HIVEP3: variants seen among roughly 807,000 people sequenced by gnomAD.
HIVEP3 encodes the protein transcription factor HIVEP3.
In HIVEP3, 49 loss-of-function variants were observed where a neutral mutation model predicts 152.8. That is an observed-to-expected ratio of 0.32 (90% CI 0.26 to 0.41). HIVEP3 has a LOEUF of 0.41. HIVEP3 is among the 10% of genes least tolerant of loss of function. HIVEP3 has a pLI of 1.00. For synonymous variants in HIVEP3, 1,269 were observed against 1,289.0 expected, an observed-to-expected ratio of 0.98 and a Z score of 0.33; for missense variants, 2,790 against 3,103.3, an observed-to-expected ratio of 0.90 and a Z score of 2.40.
intron 1 of HIVEP3, among the ~76,000 whole-genome samples, chr1:41,981,744 A>G (rs1045056526): frequency 6.6e-6 from 1 of 152,230 alleles, no homozygotes; most frequent in African/African-American, 2.4e-5. Context: ...CTTTCGCTGG[A>G]TTCATCATTC....
intron 1 of HIVEP3, among the ~76,000 whole-genome samples, chr1:41,911,324 C>A (rs181593089): frequency 6.6e-6 from 1 of 152,274 alleles, no homozygotes; most frequent in Non-Finnish European, 1.5e-5. Flanking sequence ...TACACATCCA[C>A]AAGATGGGCA....
At chr1:41,864,157 G>A (rs79438203) in intron 1 of HIVEP3, among the ~76,000 whole-genome samples, 2,777 of 152,232 alleles carry the variant, frequency 0.018, 47 homozygotes, top group Non-Finnish European at 0.021. Context: ...GCTCAGGATT[G>A]GGACAGGCCT....
chr1:41,681,540 C>A (rs1198840979), intron 2 of HIVEP3, among the ~76,000 whole-genome samples: 4 of 152,198 alleles, frequency 2.6e-5, no homozygotes, highest in African/African-American at 9.6e-5. Context: ...AGGCCTCCTG[C>A]CTGTGTGATC....
intron 5 of HIVEP3, 147 bp downstream of exon 5, chr1:41,575,397 G>A (rs1644310938): frequency 1.3e-6 from 1 of 761,076 alleles, no homozygotes; most frequent in Non-Finnish European, 2.2e-6. Context: ...TCCCAGGAAG[G>A]TGATGTCTGC....
intron 5 of HIVEP3, among the ~76,000 whole-genome samples, chr1:41,526,545 A>ACC (rs1553220182): frequency 7.6e-5 from 4 of 52,906 alleles, no homozygotes; most frequent in Admixed American, 2.5e-4. Context: ...ACACCCCCAC[A>ACC]CTCACCCTCA....
intron 1 of HIVEP3, among the ~76,000 whole-genome samples, chr1:41,769,478 CT>C (rs34960220): frequency 0.43 from 64,692 of 152,006 alleles, 15,555 homozygotes; most frequent in Non-Finnish European, 0.55. Context: ...AATTAAAAGT[CT>C]TCTAGGAACC....
chr1:41,519,255 AG>A (rs1351054518), intron 6 of HIVEP3, among the ~76,000 whole-genome samples: 1 of 152,220 alleles, frequency 6.6e-6, no homozygotes, highest in Non-Finnish European at 1.5e-5. Context: ...ATGCCTACAA[AG>A]CCCTCAGAGG....
chr1:41,942,463 T>C (rs1341712019), intron 1 of HIVEP3, among the ~76,000 whole-genome samples: 1 of 152,234 alleles, frequency 6.6e-6, no homozygotes, highest in Non-Finnish European at 1.5e-5. Flanking sequence ...TTTGATGACA[T>C]ACCCTACTGG....
chr1:41,818,303 C>T (rs1160916329), intron 1 of HIVEP3, among the ~76,000 whole-genome samples: 1 of 152,030 alleles, frequency 6.6e-6, no homozygotes, highest in Non-Finnish European at 1.5e-5. Context: ...ATTAATAATG[C>T]CTGTGTTGGT....
intron 2 of HIVEP3, among the ~76,000 whole-genome samples, chr1:41,670,100 C>G (rs1645851892): frequency 6.6e-6 from 1 of 152,200 alleles, no homozygotes; most frequent in South Asian, 2.1e-4. Flanking sequence ...GGACTCCTAG[C>G]ACTCAATATG....
chr1:41,698,552 G>T (rs901351285), intron 2 of HIVEP3, among the ~76,000 whole-genome samples: 3 of 152,142 alleles, frequency 2.0e-5, no homozygotes, highest in Non-Finnish European at 4.4e-5. Context: ...AAGTTGATGA[G>T]GGAGCTGTGT....
chr1:41,971,060 A>G (rs987842578), intron 1 of HIVEP3, among the ~76,000 whole-genome samples: 3 of 152,228 alleles, frequency 2.0e-5, no homozygotes, highest in Admixed American at 6.5e-5. Context: ...ATTTCAAAAC[A>G]TTAGTGTTTT....
chr1:41,849,989 G>A (rs959190034), intron 1 of HIVEP3, among the ~76,000 whole-genome samples: 10 of 152,062 alleles, frequency 6.6e-5, no homozygotes, highest in African/African-American at 1.7e-4. Flanking sequence ...ACGCCTGGCC[G>A]GTAGACCCAA....
intron 1 of HIVEP3, among the ~76,000 whole-genome samples, chr1:41,899,352 GATGATGTTT>G: frequency 6.6e-6 from 1 of 152,290 alleles, no homozygotes; most frequent in East Asian, 1.9e-4. Context: ...ATACTCTCCT[GATGATGTTT>G]ATGTGGAAGA....
chr1:41,724,121 A>G (rs1468169613), intron 1 of HIVEP3, among the ~76,000 whole-genome samples: 1 of 152,194 alleles, frequency 6.6e-6, no homozygotes, highest in Non-Finnish European at 1.5e-5. Flanking sequence ...TTGCAGCGGT[A>G]GCTTGAAGTA....
intron 2 of HIVEP3, among the ~76,000 whole-genome samples, chr1:41,639,403 T>C (rs1296334030): frequency 1.3e-5 from 2 of 152,184 alleles, no homozygotes; most frequent in Non-Finnish European, 2.9e-5. Context: ...GTTTCATCCA[T>C]TACTAGCTCA....
Position 41,581,913 on chromosome 1 carries a change from G to A in HIVEP3, c.2885C>T (p.Pro962Leu). 1 of 1,614,146 alleles carries A rather than the reference G, an allele frequency of 6.2e-7. No individual in the cohort carries two copies. Among genetic ancestry groups the A allele is most frequent in the Non-Finnish European group, 8.5e-7 (1 of 1,180,018 alleles). Reference sequence around the variant, plus strand: ...GGGTTTGGGGCGCATGTCAGATGAGGGACTGGGGGCCTCGGCTTTCCCATG... The same window carrying A: ...GGGTTTGGGGCGCATGTCAGATGAGAGACTGGGGGCCTCGGCTTTCCCATG... ...DDHGKAEAPS[P>L]SSDMRPKPLG... is the part of the protein sequence containing the mutation. Residue 962 changes from proline (P) to leucine (L), a missense_variant, in exon 4 of 9, where the codon CCC (proline) becomes CTC (leucine). Coordinates refer to ENST00000372583, the MANE Select transcript of HIVEP3 (RefSeq NM_024503.5). This position sits in a 1 kb window ranked among gnomAD's most constrained non-coding sequence, Gnocchi z 4.5.
At position 41,580,084 on chromosome 1, in the gene HIVEP3, G is replaced by T. The variant is rs753674021; in HGVS notation, c.4714C>A (p.Pro1572Thr). 13 of 1,614,134 alleles carry T rather than the reference G, an allele frequency of 8.1e-6. No homozygotes were observed. The highest frequency in any genetic ancestry group is 1.1e-5 in the Non-Finnish European group (13 of 1,180,062). Residue 1572 changes from proline (P) to threonine (T), a missense_variant, in exon 4 of 9, where the codon CCT becomes ACT. Around this residue, in one of 9 missense-constraint regions of HIVEP3, gnomAD observed 1,078 missense variants for 1,165.3 expected, o/e 0.93. Coordinates refer to ENST00000372583, the MANE Select transcript of HIVEP3 (RefSeq NM_024503.5). The stretch of plus-strand genomic sequence containing the variant: ...GGTCTGGAGGACGTTTCTGACAGAG[G>T]CAGAGAGCTCGGAGGTGCCAAGGAG... ...LPSLAPPSSLPLSETSSRPAK... is the reference protein window; with the variant it reads ...LPSLAPPSSLTLSETSSRPAK...
Position 41,582,297 on chromosome 1 carries a change from G to T in HIVEP3, c.2501C>A (p.Ala834Asp), listed in dbSNP as rs758161053. The T allele has an allele frequency of 1.9e-6, 3 of 1,614,176 alleles. No homozygotes were observed. Among genetic ancestry groups the T allele is most frequent in the Non-Finnish European group, 2.5e-6 (3 of 1,180,022 alleles). ...PLAQFPSPPP[A>D]PHGRSAHSLQ... Reference sequence around the variant, plus strand: ...GGAGTGAGCAGAGCGTCCGTGTGGGGCAGGTGGGGGTGATGGGAACTGGGC... The same window carrying T: ...GGAGTGAGCAGAGCGTCCGTGTGGGTCAGGTGGGGGTGATGGGAACTGGGC... Residue 834 changes from alanine (A) to aspartate (D), a missense_variant, in exon 4 of 9, where the codon GCC becomes GAC. Physicochemically the swap from Ala to Asp is moderately radical, Grantham distance 126. Coordinates refer to ENST00000372583, the MANE Select transcript of HIVEP3 (RefSeq NM_024503.5). The surrounding 1 kb of genome is among the most constrained non-coding windows in gnomAD (Gnocchi z 4.7).
Sources: gnomAD v4.1 joint callset for allele counts (sites outside exome capture counted in the v4.1 genomes callset) on GRCh38, gnomAD v4.1.1 for gene constraint, gnomAD v4.1.1 regional missense constraint, Gnocchi (gnomAD v3.1) non-coding constraint, MANE v1.5 for transcripts, NCBI Gene and HGNC (gene_info 2026-07-23, HGNC 2026-07-21) for gene names.